The following SNTB1 variants were observed in gnomAD, a reference collection of about 807,000 sequenced individuals.
SNTB1 encodes the protein beta-1-syntrophin.
In SNTB1, 36 loss-of-function variants were observed where a neutral mutation model predicts 48.9. The observed-to-expected ratio is 0.74, with a 90% confidence interval of 0.56 to 0.97. The LOEUF (loss-of-function observed/expected upper bound fraction) is 0.97. SNTB1 is among the 50% of genes least tolerant of loss of function. The pLI is 0.00. For synonymous variants in SNTB1, 299 were observed against 294.6 expected (o/e 1.01, Z -0.15); for missense variants, 786 against 703.4 (o/e 1.12, Z -1.33).
At chr8:120,695,978 C>T (rs1818204774) in intron 1 of SNTB1, among the ~76,000 whole-genome samples, 1 of 152,168 alleles carries the variant, frequency 6.6e-6, no homozygotes, top group Admixed American at 6.5e-5. Context: ...AAGAGGAACA[C>T]AGACATACTC....
chr8:120,612,885 A>G (rs1046988304), intron 3 of SNTB1, among the ~76,000 whole-genome samples: 2 of 152,254 alleles, frequency 1.3e-5, no homozygotes, highest in Admixed American at 1.3e-4. Flanking sequence ...AACATTTATC[A>G]TATCTTTGTG....
intron 3 of SNTB1, among the ~76,000 whole-genome samples, chr8:120,630,315 C>T (rs1816958439): frequency 6.6e-6 from 1 of 152,232 alleles, no homozygotes; most frequent in South Asian, 2.1e-4. Context: ...CCAAAGACCA[C>T]AGCTGGTAGT....
intron 4 of SNTB1, 67 bp downstream of exon 4, chr8:120,575,019 C>T (rs1815928075): frequency 2.9e-5 from 47 of 1,598,326 alleles, no homozygotes; most frequent in Admixed American, 6.7e-5. Context: ...ACGTATTGAG[C>T]TAATTGTAAT....
intron 1 of SNTB1, among the ~76,000 whole-genome samples, chr8:120,752,753 T>A (rs1819243356): frequency 6.6e-6 from 1 of 151,950 alleles, no homozygotes; most frequent in African/African-American, 2.4e-5. Flanking sequence ...TTCTCACTTA[T>A]AAGAGGGAGC....
At chr8:120,658,784 T>A (rs1025957936) in intron 2 of SNTB1, among the ~76,000 whole-genome samples, 1 of 152,206 alleles carries the variant, frequency 6.6e-6, no homozygotes, top group Admixed American at 6.5e-5. Context: ...CTGTGTCATT[T>A]TCTTAAAATA....
At chr8:120,617,767 G>C (rs1816738416) in intron 3 of SNTB1, among the ~76,000 whole-genome samples, 1 of 152,194 alleles carries the variant, frequency 6.6e-6, no homozygotes, top group South Asian at 2.1e-4. Flanking sequence ...ATAGGTACAA[G>C]GTGATCAGTT....
At position 120,800,570 on chromosome 8, in the gene SNTB1, C is replaced by T. The variant is rs532842928; in HGVS notation, c.571+10703G>A. ...CAGCCCAAGGAGGATGGTCATGCAT[C>T]AGACCTAGATGGGACCAGTCCAGAG... On this transcript the variant is annotated intron_variant, in intron 1 of 6. Transcript: ENST00000517992. 4.6e-5 allele frequency among the ~76,000 whole-genome samples: 7 copies of T among 152,146 alleles called. No individual in the cohort carries two copies. The South Asian group carries it at 1.5e-3, about 32-fold the overall frequency.
chr8:120,749,045 T>C (rs1016885947), intron 1 of SNTB1, among the ~76,000 whole-genome samples: 25 of 152,244 alleles, frequency 1.6e-4, no homozygotes, highest in African/African-American at 6.0e-4. Flanking sequence ...TCAGTAATCA[T>C]ATAAATCTAA....
intron 1 of SNTB1, among the ~76,000 whole-genome samples, chr8:120,789,945 C>G (rs955199287): frequency 2.9e-4 from 44 of 151,960 alleles, no homozygotes; most frequent in Non-Finnish European, 4.4e-5. Flanking sequence ...AAAGAGAAAG[C>G]TACAGACCAA....
chr8:120,717,886 A>G (rs1350956257), intron 1 of SNTB1, among the ~76,000 whole-genome samples: 3 of 152,220 alleles, frequency 2.0e-5, no homozygotes, highest in Non-Finnish European at 4.4e-5. Flanking sequence ...AAAAAGAGCC[A>G]TACAGTAGTG....
At chr8:120,585,653 A>G (rs995749966) in intron 3 of SNTB1, among the ~76,000 whole-genome samples, 7 of 152,264 alleles carry the variant, frequency 4.6e-5, no homozygotes, top group African/African-American at 9.6e-5. Flanking sequence ...TAAATGAAAC[A>G]TAGTCTGTTC....
intron 2 of SNTB1, among the ~76,000 whole-genome samples, chr8:120,654,506 A>C (rs1329168011): frequency 6.6e-6 from 1 of 152,112 alleles, no homozygotes; most frequent in Non-Finnish European, 1.5e-5. Flanking sequence ...AGCTGTGTTT[A>C]TTCTCACCCT....
At chr8:120,720,430 A>T (rs4304359) in intron 1 of SNTB1, among the ~76,000 whole-genome samples, 1 of 152,142 alleles carries the variant, frequency 6.6e-6, no homozygotes, top group Non-Finnish European at 1.5e-5. Context: ...TCTTTTCCGT[A>T]TGCCTCAGAT....
intron 1 of SNTB1, among the ~76,000 whole-genome samples, chr8:120,797,462 A>C (rs1415870180): frequency 6.6e-6 from 1 of 151,916 alleles, no homozygotes; most frequent in East Asian, 1.9e-4. Context: ...ATGGCCTGGC[A>C]ACATTTTTGA....
chr8:120,567,487 C>T lies in SNTB1; in HGVS notation c.1136+7599G>A, dbSNP rs115136296. ...AGGCGCTGGAGTACAGTGGTGCCAT[C>T]ATAGCTCATTGCAACCTTGATCTCC... is the stretch of plus-strand genomic sequence containing the variant. On this transcript the variant is annotated intron_variant, in intron 4 of 6. Coordinates refer to ENST00000517992, the MANE Select transcript of SNTB1 (RefSeq NM_021021.4). Among the ~76,000 whole-genome samples the T allele has an allele frequency of 2.8e-3, 413 of 149,640 alleles. 4 individuals carry two copies. The highest frequency in any genetic ancestry group is 9.8e-3 in the African/African-American group (400 of 40,654).
rs1400727039 is a variant in SNTB1 at position 120,675,667 on chromosome 8, T to A, written c.788+18025A>T. 2.0e-5 allele frequency among the ~76,000 whole-genome samples: 3 copies of A among 152,192 alleles called. No homozygotes were observed. The East Asian group carries it at 5.8e-4, about 29-fold the overall frequency. Reference sequence around the variant, plus strand: ...GACCCAACATAATTGTGGGAAGGCCTGGAAATGCAGGGGAACAAAGGGACT... The same window carrying A: ...GACCCAACATAATTGTGGGAAGGCCAGGAAATGCAGGGGAACAAAGGGACT... On this transcript the variant is annotated intron_variant, in intron 2 of 6. Transcript: ENST00000517992.
chr8:120,786,122 A>G (rs893686422), intron 1 of SNTB1, among the ~76,000 whole-genome samples: 8 of 152,106 alleles, frequency 5.3e-5, no homozygotes, highest in African/African-American at 1.9e-4. Context: ...ATACCACTGA[A>G]CCGTCTGCAG....
At position 120,604,723 on chromosome 8, in the gene SNTB1, T is replaced by A. The variant is rs574688227; in HGVS notation, c.996+27721A>T. ...ACCTCGGCCTCCCAAAGTGGTGGGATTGCAGGTGTGAATCGCCATGCCTGG... is the reference window on the plus strand; with the variant it reads ...ACCTCGGCCTCCCAAAGTGGTGGGAATGCAGGTGTGAATCGCCATGCCTGG... On this transcript the variant is annotated intron_variant, in intron 3 of 6. Transcript: ENST00000517992. Among the ~76,000 whole-genome samples, 8 of 152,320 alleles carry A rather than the reference T, an allele frequency of 5.3e-5. No homozygotes were observed. In the South Asian group the frequency reaches 1.7e-3, roughly 32 times the overall value.
At chr8:120,769,879 G>T (rs1819589212) in intron 1 of SNTB1, among the ~76,000 whole-genome samples, 2 of 152,150 alleles carry the variant, frequency 1.3e-5, no homozygotes, top group Admixed American at 6.5e-5. Context: ...AATGCCTAAA[G>T]AATGCTCACT....
Sources: allele counts gnomAD v4.1 joint callset (sites outside exome capture counted in the v4.1 genomes callset), GRCh38; gene constraint gnomAD v4.1.1; transcripts MANE v1.5; gene names NCBI Gene and HGNC (gene_info 2026-07-23, HGNC 2026-07-21).